Variants in GABRB3 observed in about 807,000 individuals in gnomAD.
GABRB3 encodes gamma-aminobutyric acid receptor subunit beta-3.
A neutral mutation model predicts 52.1 loss-of-function variants in GABRB3; 14 were observed. The ratio of observed to expected loss-of-function variants is 0.27; its 90% CI spans 0.18 to 0.42. The LOEUF is 0.42. Ranked by LOEUF, GABRB3 falls within the 10% of genes least tolerant of loss-of-function variation. The pLI, the probability that GABRB3 is intolerant of heterozygous loss-of-function variation, is 1.00. For missense variants in GABRB3, 307 were observed against 609.1 expected (o/e 0.50, Z 5.22); for synonymous variants, 260 against 232.3 (o/e 1.12, Z -1.08).
rs150298776 is a variant in GABRB3, at chr15:26,698,224, C to T, written c.240+74178G>A. Among the ~76,000 whole-genome samples, 800 of 152,302 alleles carry T rather than the reference C, an allele frequency of 5.3e-3. 5 individuals carry two copies. The highest frequency in any genetic ancestry group is 0.021 in the Admixed American group (325 of 15,296). ...ATGAATAACGTCATTAGCCTCTTTG[C>T]CTCTGAGAATTAGAAACAGGGAGAA... On this transcript the variant is annotated intron_variant, in intron 3 of 8. Transcript: ENST00000311550.
intron 4 of GABRB3, among the ~76,000 whole-genome samples, chr15:26,608,786 A>G (rs1891939069): frequency 6.6e-6 from 1 of 152,186 alleles, no homozygotes; most frequent in Non-Finnish European, 1.5e-5. Context: ...CTAGTATCAA[A>G]AAGATGAAAG....
intron 4 of GABRB3, among the ~76,000 whole-genome samples, chr15:26,609,764 G>A (rs1248998411): frequency 2.0e-5 from 3 of 152,292 alleles, no homozygotes; most frequent in African/African-American, 7.2e-5. Context: ...CAAAGTTGCT[G>A]AGAGAATAAA....
intron 6 of GABRB3, among the ~76,000 whole-genome samples, chr15:26,571,094 A>G (rs1890376949): frequency 6.6e-6 from 1 of 152,178 alleles, no homozygotes; most frequent in African/African-American, 2.4e-5. Flanking sequence ...GGTAACTTCA[A>G]TATCTTTACT....
At chr15:26,714,545 C>T (rs532151953) in intron 3 of GABRB3, among the ~76,000 whole-genome samples, 1 of 152,110 alleles carries the variant, frequency 6.6e-6, no homozygotes, top group African/African-American at 2.4e-5. Context: ...GGAAGTGGGG[C>T]GGGGCTTCCA....
chr15:26,591,647 C>T (rs935950570), intron 4 of GABRB3, among the ~76,000 whole-genome samples: 9 of 152,088 alleles, frequency 5.9e-5, no homozygotes, highest in Admixed American at 2.0e-4. Context: ...AGGACTACAC[C>T]GCAGGTTCAA....
At chr15:26,603,605 A>G (rs768256237) in intron 4 of GABRB3, among the ~76,000 whole-genome samples, 19 of 152,244 alleles carry the variant, frequency 1.2e-4, no homozygotes, top group Non-Finnish European at 1.6e-4. Context: ...CCAGAGATGC[A>G]AGGATGGTTC....
chr15:26,572,192 C>T (rs1225879377), intron 6 of GABRB3, among the ~76,000 whole-genome samples: 1 of 152,180 alleles, frequency 6.6e-6, no homozygotes, highest in Non-Finnish European at 1.5e-5. Flanking sequence ...CACAGTTTAC[C>T]TTCCCAACTA....
intron 8 of GABRB3, among the ~76,000 whole-genome samples, chr15:26,553,744 G>C (rs1241419773): frequency 6.6e-6 from 1 of 151,908 alleles, no homozygotes; most frequent in East Asian, 1.9e-4. Context: ...TCACCATCTT[G>C]CCCTGTCCTT....
At chr15:26,721,935 G>C (rs1360505786) in intron 3 of GABRB3, among the ~76,000 whole-genome samples, 1 of 152,064 alleles carries the variant, frequency 6.6e-6, no homozygotes, top group Non-Finnish European at 1.5e-5. Context: ...AAAGCTTCCT[G>C]ATGTGGTCAC....
At chr15:26,653,732 A>G (rs1887273874) in intron 3 of GABRB3, among the ~76,000 whole-genome samples, 1 of 152,210 alleles carries the variant, frequency 6.6e-6, no homozygotes, top group Non-Finnish European at 1.5e-5. Context: ...CACCGTCATA[A>G]TTTTCTTACT....
intron 3 of GABRB3, among the ~76,000 whole-genome samples, chr15:26,627,636 G>C (rs1228052615): frequency 6.6e-6 from 1 of 152,084 alleles, no homozygotes; most frequent in Non-Finnish European, 1.5e-5. Context: ...AGAACTAGAA[G>C]TGAAACTTGA....
intron 8 of GABRB3, among the ~76,000 whole-genome samples, chr15:26,553,901 G>T (rs1314127607): frequency 6.7e-6 from 1 of 149,464 alleles, no homozygotes; most frequent in Non-Finnish European, 1.5e-5. Flanking sequence ...TAGAGACAGG[G>T]TCTTGCTCTG....
At chr15:26,564,016 C>T (rs1449499833) in intron 7 of GABRB3, among the ~76,000 whole-genome samples, 1 of 152,050 alleles carries the variant, frequency 6.6e-6, no homozygotes, top group African/African-American at 2.4e-5. Flanking sequence ...TACGTTTTTA[C>T]CTTTAGAAGT....
rs1396009316 is a variant in GABRB3, at chr15:26,610,746, T to C, written c.461+10568A>G. On this transcript the variant is annotated intron_variant, in intron 4 of 8. Transcript: ENST00000311550. ...TCACTGGATTACCTATCAGAACAAA[T>C]TTTAAGCATGTAAACCTGTTCGTAA... Among the ~76,000 whole-genome samples the C allele has an allele frequency of 2.0e-5, 3 of 152,194 alleles. No individual in the cohort carries two copies. In the East Asian group the frequency reaches 5.8e-4, roughly 29 times the overall value.
chr15:26,607,900 T>A (rs1436030697), intron 4 of GABRB3, among the ~76,000 whole-genome samples: 1 of 152,048 alleles, frequency 6.6e-6, no homozygotes, highest in African/African-American at 2.4e-5. Context: ...CTCAAAATGA[T>A]CTATAGATTC....
chr15:26,625,841 A>G (rs1892670116), intron 3 of GABRB3, among the ~76,000 whole-genome samples: 2 of 152,098 alleles, frequency 1.3e-5, no homozygotes, highest in African/African-American at 4.8e-5. Context: ...CAGACTGTTG[A>G]TATCGTTTAC....
At chr15:26,740,692 T>C (rs566483105) in intron 3 of GABRB3, among the ~76,000 whole-genome samples, 2 of 152,338 alleles carry the variant, frequency 1.3e-5, no homozygotes, top group South Asian at 4.1e-4. Flanking sequence ...CTTTTCCTAA[T>C]CTGTGCTGTG....
At chr15:26,642,022 T>C (rs1893214722) in intron 3 of GABRB3, among the ~76,000 whole-genome samples, 1 of 152,076 alleles carries the variant, frequency 6.6e-6, no homozygotes, top group Non-Finnish European at 1.5e-5. Context: ...CTCAAGTAGC[T>C]GGGACTACAG....
chr15:26,607,446 C>T (rs1457307019), intron 4 of GABRB3, among the ~76,000 whole-genome samples: 2 of 152,024 alleles, frequency 1.3e-5, no homozygotes, highest in Non-Finnish European at 2.9e-5. Flanking sequence ...GTGGCACACA[C>T]CTTTAGTGAC....
Sources: allele counts gnomAD v4.1 joint callset (sites outside exome capture counted in the v4.1 genomes callset), GRCh38; gene constraint gnomAD v4.1.1; transcripts MANE v1.5; gene names NCBI Gene and HGNC (gene_info 2026-07-23, HGNC 2026-07-21).